The following DGKB variants were observed in gnomAD, a reference collection of about 807,000 sequenced individuals.
DGKB encodes 90 kDa diacylglycerol kinase.
A neutral mutation model predicts 114.3 loss-of-function variants in DGKB; 67 were observed. The observed-to-expected ratio is 0.59, with a 90% CI of 0.48 to 0.72. The LOEUF is 0.72. Among genes scored for constraint, DGKB ranks in the 30% least tolerant of loss-of-function variants. The pLI is 0.00. For missense variants in DGKB, 907 were observed against 975.2 expected, an observed-to-expected ratio of 0.93 and a Z score of 0.93; for synonymous variants, 398 against 323.1, an observed-to-expected ratio of 1.23 and a Z score of -2.49.
chr7:14,380,776 T>C (rs1263167155), intron 21 of DGKB, among the ~76,000 whole-genome samples: 2 of 152,216 alleles, frequency 1.3e-5, no homozygotes, highest in Non-Finnish European at 2.9e-5. Flanking sequence ...TCTTTCTAAC[T>C]GTTGATTTCT....
At chr7:14,668,501 T>C (rs1818431079) in intron 13 of DGKB, among the ~76,000 whole-genome samples, 1 of 152,138 alleles carries the variant, frequency 6.6e-6, no homozygotes, top group Non-Finnish European at 1.5e-5. Context: ...GAAATTTACT[T>C]AACCTCTTTG....
intron 21 of DGKB, among the ~76,000 whole-genome samples, chr7:14,359,011 A>G (rs1815162861): frequency 6.6e-6 from 1 of 152,188 alleles, no homozygotes; most frequent in African/African-American, 2.4e-5. Context: ...CTAAGCAAAA[A>G]GAACAAAGCT....
chr7:14,933,074 G>A (rs1292226732), intron 1 of DGKB, among the ~76,000 whole-genome samples: 1 of 152,126 alleles, frequency 6.6e-6, no homozygotes, highest in Non-Finnish European at 1.5e-5. Context: ...TCTTAGAGAT[G>A]GGTTTGCAAA....
chr7:14,531,445 T>C (rs1402626702), intron 20 of DGKB, among the ~76,000 whole-genome samples: 2 of 151,458 alleles, frequency 1.3e-5, no homozygotes, highest in Non-Finnish European at 3.0e-5. Context: ...CAAAAAATTA[T>C]TCCACGTATG....
intron 13 of DGKB, among the ~76,000 whole-genome samples, chr7:14,659,708 A>G (rs542132715): frequency 3.4e-5 from 5 of 147,350 alleles, no homozygotes; most frequent in African/African-American, 1.2e-4. Flanking sequence ...TCTTTTCCTA[A>G]TTGAATACCC....
At chr7:14,324,987 G>A (rs1277370561) in intron 23 of DGKB, among the ~76,000 whole-genome samples, 1 of 152,168 alleles carries the variant, frequency 6.6e-6, no homozygotes, top group Non-Finnish European at 1.5e-5. Context: ...ACATCTATTG[G>A]CACACAGTCA....
At chr7:14,374,938 A>T (rs1357471763) in intron 21 of DGKB, among the ~76,000 whole-genome samples, 1 of 152,140 alleles carries the variant, frequency 6.6e-6, no homozygotes, top group Non-Finnish European at 1.5e-5. Flanking sequence ...GAAACTTCAT[A>T]TGTGATATTC....
intron 23 of DGKB, among the ~76,000 whole-genome samples, chr7:14,330,499 T>C (rs899840709): frequency 4.0e-4 from 61 of 152,066 alleles, no homozygotes; most frequent in Non-Finnish European, 1.6e-4. Context: ...ATTACTTACC[T>C]GTTATATTCA....
At chr7:14,345,218 C>A in intron 22 of DGKB, 83 bp downstream of exon 22, 2 of 736,350 alleles carry the variant, frequency 2.7e-6, no homozygotes, top group Non-Finnish European at 4.4e-6. Context: ...ATATTTCATT[C>A]CATGGGCTCC....
intron 5 of DGKB, among the ~76,000 whole-genome samples, chr7:14,733,042 G>GGTATGT (rs768873408): frequency 2.0e-5 from 3 of 152,048 alleles, no homozygotes; most frequent in Non-Finnish European, 2.9e-5. Context: ...TTCAATTTAA[G>GGTATGT]GTATGTGTGT....
At chr7:14,416,301 C>T (rs935301224) in intron 21 of DGKB, among the ~76,000 whole-genome samples, 1 of 151,998 alleles carries the variant, frequency 6.6e-6, no homozygotes, top group Non-Finnish European at 1.5e-5. Context: ...AGTTATGTTT[C>T]ATAGAATCAG....
chr7:14,938,471 G>A (rs1274825755), intron 1 of DGKB, among the ~76,000 whole-genome samples: 1 of 152,082 alleles, frequency 6.6e-6, no homozygotes, highest in Non-Finnish European at 1.5e-5. Flanking sequence ...CTGATAAAAT[G>A]TATAAACAAA....
At chr7:14,544,363 T>C (rs1177318436) in intron 20 of DGKB, among the ~76,000 whole-genome samples, 1 of 152,204 alleles carries the variant, frequency 6.6e-6, no homozygotes, top group Non-Finnish European at 1.5e-5. Flanking sequence ...TAGTGGTTTG[T>C]ATTAGCCTTG....
At chr7:14,751,861 C>G (rs982133654) in intron 4 of DGKB, among the ~76,000 whole-genome samples, 3 of 152,186 alleles carry the variant, frequency 2.0e-5, no homozygotes, top group Non-Finnish European at 4.4e-5. Flanking sequence ...TTCTCACTTT[C>G]ATCTTTGGCA....
intron 1 of DGKB, among the ~76,000 whole-genome samples, chr7:14,938,632 T>G (rs1236080898): frequency 6.6e-6 from 1 of 152,014 alleles, no homozygotes; most frequent in Non-Finnish European, 1.5e-5. Flanking sequence ...TTTTTTAGTT[T>G]TCTCATTGCT....
At chr7:14,865,090 T>C (rs1587003073) in intron 1 of DGKB, among the ~76,000 whole-genome samples, 2 of 7,612 alleles carry the variant, frequency 2.6e-4, no homozygotes. Flanking sequence ...TGATGACCTA[T>C]TGGTGAACAA....
chr7:14,667,145 T>A (rs1818181453), intron 13 of DGKB, among the ~76,000 whole-genome samples: 2 of 152,056 alleles, frequency 1.3e-5, no homozygotes, highest in Non-Finnish European at 2.9e-5. Context: ...ATGGTGAGCA[T>A]ATATCTACTG....
At chr7:14,336,894 A>T (rs150699243) in intron 23 of DGKB, among the ~76,000 whole-genome samples, 1 of 152,300 alleles carries the variant, frequency 6.6e-6, no homozygotes, top group East Asian at 1.9e-4. Context: ...ATCAATTTGT[A>T]TAAGTATCGG....
chr7:14,691,072 T>A (rs1377592032), intron 9 of DGKB, among the ~76,000 whole-genome samples: 1 of 152,212 alleles, frequency 6.6e-6, no homozygotes, highest in Non-Finnish European at 1.5e-5. Flanking sequence ...ATCAACTCCA[T>A]TTCTGATTTT....
Sources: allele counts gnomAD v4.1 joint callset (sites outside exome capture counted in the v4.1 genomes callset), GRCh38; gene constraint gnomAD v4.1.1; transcripts MANE v1.5; gene names NCBI Gene and HGNC (gene_info 2026-07-23, HGNC 2026-07-21).